The following KLB variants were observed in gnomAD, a reference collection of about 807,000 sequenced individuals.
The protein encoded by KLB is beta-klotho.
Under a neutral mutation model 88.4 loss-of-function variants are expected in KLB, and 44 were observed. The ratio of observed to expected loss-of-function variants is 0.50; its 90% CI spans 0.39 to 0.64. The LOEUF is 0.64. Ranked by LOEUF, KLB falls within the 30% of genes least tolerant of loss-of-function variation. The pLI is 0.00. For missense variants in KLB, 1,137 were observed against 1,304.8 expected (o/e 0.87, Z 1.98); for synonymous variants, 548 against 513.4 (o/e 1.07, Z -0.91).
At position 39,449,320 on chromosome 4, in the gene KLB, CA is replaced by C. The variant is rs35648143; in HGVS notation, c.*650del. On this transcript the variant is annotated 3_prime_UTR_variant, in exon 5 of 5. Coordinates refer to ENST00000257408, the MANE Select transcript of KLB (RefSeq NM_175737.4). The stretch of plus-strand genomic sequence containing the variant: ...TAGGCGACAACAGCAAGACTGTGTC[CA>C]AAAAAAAAAAAAAAAGCAAAAGCAA... 0.13 allele frequency: 14,187 copies of C among 109,190 alleles called. 1,208 individuals are homozygous for C. The highest frequency in any genetic ancestry group is 0.33 in the African/African-American group (9,818 of 29,320). 6.8% of individuals were successfully genotyped at this position (109,190 alleles called of 1,614,324 possible).
chr4:39,433,917 G>A (rs955151135), intron 1 of KLB, among the ~76,000 whole-genome samples: 1 of 152,058 alleles, frequency 6.6e-6, no homozygotes, highest in Admixed American at 6.6e-5. Flanking sequence ...TTATGTAGAG[G>A]AGGAAACCCT....
At chr4:39,416,977 T>G (rs1742978007) in intron 1 of KLB, among the ~76,000 whole-genome samples, 1 of 152,150 alleles carries the variant, frequency 6.6e-6, no homozygotes, top group Non-Finnish European at 1.5e-5. Context: ...CCCACCAATG[T>G]CTTGAAGATT....
At position 39,406,941 on chromosome 4, in the gene KLB, T is replaced by C; in HGVS notation, c.-9T>C. 3 of 1,596,788 alleles carry C rather than the reference T, an allele frequency of 1.9e-6. No individual in the cohort carries two copies. Among genetic ancestry groups the C allele is most frequent in the Non-Finnish European group, 2.6e-6 (3 of 1,168,298 alleles). Reference sequence around the variant, plus strand: ...AGCTTTGATAAGACAGTCCAGCAGTTGGTGGCAAATGAAGCCAGGCTGTGC... The same window carrying C: ...AGCTTTGATAAGACAGTCCAGCAGTCGGTGGCAAATGAAGCCAGGCTGTGC... On this transcript the variant is annotated 5_prime_UTR_variant, in exon 1 of 5. Coordinates refer to ENST00000257408, the MANE Select transcript of KLB (RefSeq NM_175737.4).
chr4:39,407,904 C>A, intron 1 of KLB, 130 bp downstream of exon 1: 2 of 563,484 alleles, frequency 3.5e-6, no homozygotes, highest in Non-Finnish European at 3.0e-6. Flanking sequence ...AAGATCTATC[C>A]TCAAATTTTG....
At chr4:39,431,097 T>G (rs1373993466) in intron 1 of KLB, among the ~76,000 whole-genome samples, 1 of 149,322 alleles carries the variant, frequency 6.7e-6, no homozygotes, top group East Asian at 1.9e-4. Flanking sequence ...TTGTATTTTT[T>G]TTTTTTTTTT....
At chr4:39,417,169 C>T (rs964183361) in intron 1 of KLB, among the ~76,000 whole-genome samples, 2 of 151,658 alleles carry the variant, frequency 1.3e-5, no homozygotes, top group Non-Finnish European at 2.9e-5. Context: ...TTAATTTGTG[C>T]TAAGTCTTAT....
chr4:39,439,466 GTTT>G (rs1743548534), intron 3 of KLB, among the ~76,000 whole-genome samples: 3 of 151,706 alleles, frequency 2.0e-5, no homozygotes, highest in Non-Finnish European at 4.4e-5. Context: ...TTTTGTTTTT[GTTT>G]TTGTTTTTGT....
Position 39,406,959 on chromosome 4 carries a change from G to A in KLB, c.10G>A (p.Gly4Ser), listed in dbSNP as rs1560641888. 6.2e-7 allele frequency: 1 copy of A among 1,607,926 alleles called. No individual in the cohort carries two copies. The highest frequency in any genetic ancestry group is 1.3e-5 in the African/African-American group (1 of 74,824). MKP[G>S]CAAGSPGNEW... ...CAGCAGTTGGTGGCAAATGAAGCCA[G>A]GCTGTGCGGCAGGATCTCCAGGGAA... Residue 4 changes from glycine (G) to serine (S), a missense_variant, in exon 1 of 5, where the codon GGC becomes AGC. Physicochemically the swap from Gly to Ser is moderately conservative, Grantham distance 56. Transcript: ENST00000257408.
At chr4:39,436,017 C>T (rs1239847802) in intron 2 of KLB, among the ~76,000 whole-genome samples, 1 of 152,166 alleles carries the variant, frequency 6.6e-6, no homozygotes, top group Non-Finnish European at 1.5e-5. Context: ...GTTTCTATTG[C>T]TCCCAGAGAC....
intron 2 of KLB, among the ~76,000 whole-genome samples, chr4:39,435,701 C>A (rs1224247911): frequency 1.3e-5 from 2 of 152,218 alleles, no homozygotes; most frequent in Admixed American, 6.5e-5. Context: ...GCCAGGATTA[C>A]AGGCATGAGC....
Position 39,446,826 on chromosome 4 carries a change from C to G in KLB, c.2100C>G (p.Ile700Met). The change falls in exon 4 of 5, where the codon ATC becomes ATG. Residue 700 changes from isoleucine (I) to methionine (M), a missense_variant. Ile to Met is a conservative substitution (Grantham distance 10, BLOSUM62 1). Transcript: ENST00000257408. The surrounding 1 kb of genome is among the most constrained non-coding windows in gnomAD (Gnocchi z 6.4). ...ACGAGCCTAACCGGCTAAGTGACAT[C>G]TACAACCGCTCTGGCAACGACACCT... Reference protein sequence around the residue: ...TINEPNRLSDIYNRSGNDTYG... With the variant: ...TINEPNRLSDMYNRSGNDTYG... The G allele has an allele frequency of 1.2e-6, 2 of 1,612,946 alleles. No homozygotes were observed. Among genetic ancestry groups the G allele is most frequent in the Middle Eastern group, 3.3e-4 (2 of 6,060 alleles).
At chr4:39,410,249 A>T (rs1414215833) in intron 1 of KLB, among the ~76,000 whole-genome samples, 5 of 152,250 alleles carry the variant, frequency 3.3e-5, no homozygotes, top group Non-Finnish European at 7.3e-5. Flanking sequence ...AAGCTTTAAC[A>T]GATATTGCTT....
chr4:39,431,366 C>T (rs558878361), intron 1 of KLB, among the ~76,000 whole-genome samples: 1 of 152,324 alleles, frequency 6.6e-6, no homozygotes, highest in Non-Finnish European at 1.5e-5. Context: ...ATTCTCCTGC[C>T]TCGGCCTTCC....
At position 39,447,264 on chromosome 4, in the gene KLB, C is replaced by T; in HGVS notation, c.2538C>T (p.Asp846=). 1 of 1,614,118 alleles carries T rather than the reference C, an allele frequency of 6.2e-7. No homozygotes were observed. The highest frequency in any genetic ancestry group is 8.5e-7 in the Non-Finnish European group (1 of 1,180,010). The change falls in exon 4 of 5, where the codon GAC becomes GAT. Residue 846 remains aspartate, a synonymous_variant. Transcript: ENST00000257408. ...LAGSRYDSDR[D]IQFLQDITRL... ...GCAGCCGCTACGACTCGGACAGGGA[C>T]ATCCAGTTTCTGCAGGACATCACCC... is the stretch of plus-strand genomic sequence containing the variant.
chr4:39,431,957 A>G (rs1357671357), intron 1 of KLB, among the ~76,000 whole-genome samples: 2 of 152,248 alleles, frequency 1.3e-5, no homozygotes, highest in Admixed American at 1.3e-4. Flanking sequence ...TCTGTGTGCT[A>G]AAGATAATGA....
chr4:39,407,968 C>T (rs1742766135), intron 1 of KLB, among the ~76,000 whole-genome samples, 194 bp downstream of exon 1: 1 of 151,956 alleles, frequency 6.6e-6, no homozygotes, highest in African/African-American at 2.4e-5. Context: ...TGTATTAATC[C>T]AATTAGTTTT....
At chr4:39,416,689 G>A (rs1410893385) in intron 1 of KLB, among the ~76,000 whole-genome samples, 1 of 152,162 alleles carries the variant, frequency 6.6e-6, no homozygotes, top group Admixed American at 6.5e-5. Context: ...GGGAGGCTGA[G>A]GTGAGAGAAT....
chr4:39,435,860 T>C (rs1743461693), intron 2 of KLB, among the ~76,000 whole-genome samples: 1 of 152,252 alleles, frequency 6.6e-6, no homozygotes, highest in South Asian at 2.1e-4. Context: ...TCATTCCTTA[T>C]AAAGGACACA....
At chr4:39,432,554 C>T (rs566285580) in intron 1 of KLB, among the ~76,000 whole-genome samples, 158 of 152,046 alleles carry the variant, frequency 1.0e-3, no homozygotes, top group African/African-American at 3.6e-3. Flanking sequence ...ATATTTTATG[C>T]CATTTTATGT....
Sources: allele counts gnomAD v4.1 joint callset (sites outside exome capture counted in the v4.1 genomes callset), GRCh38; gene constraint gnomAD v4.1.1; non-coding constraint Gnocchi (gnomAD v3.1); transcripts MANE v1.5; gene names NCBI Gene and HGNC (gene_info 2026-07-23, HGNC 2026-07-21).